TTC21B: variants seen among roughly 807,000 people sequenced by gnomAD.
TTC21B encodes tetratricopeptide repeat protein 21B.
In TTC21B, 127 loss-of-function variants were observed where a neutral mutation model predicts 175.1. That is an observed-to-expected ratio of 0.73 (90% confidence interval 0.63 to 0.84). The LOEUF (loss-of-function observed/expected upper bound fraction) is 0.84. Among genes scored for constraint, TTC21B ranks in the 40% least tolerant of loss-of-function variants. TTC21B has a pLI of 0.00. For missense variants in TTC21B, 1,561 were observed against 1,558.3 expected (o/e 1.00, Z -0.03); for synonymous variants, 524 against 524.5 (o/e 1.00, Z 0.01).
rs763124462 is a variant in TTC21B, at chr2:165,880,778, A to G, written c.3706T>C (p.Tyr1236His). 3 of 1,612,772 alleles carry G rather than the reference A, an allele frequency of 1.9e-6. No homozygotes were observed. Among genetic ancestry groups the G allele is most frequent in the East Asian group, 4.5e-5 (2 of 44,762 alleles). ...HNRSCCKAYE[Y>H]MGYIMEKEQA... ...TCTTTTTCCATAATGTATCCCATAT[A>G]TTCATAAGCTTTGCAGCAAGACTGA... Residue 1236 changes from tyrosine to histidine, a missense_variant, in exon 27 of 29, where the codon TAT becomes CAT. Physicochemically the swap from Tyr to His is moderately conservative, Grantham distance 83. Transcript: ENST00000243344.
chr2:165,882,976 C>CT (rs915619794), intron 26 of TTC21B, among the ~76,000 whole-genome samples: 9 of 152,006 alleles, frequency 5.9e-5, no homozygotes, highest in Admixed American at 5.9e-4. Context: ...TTGACAAATG[C>CT]TTGGATCTTT....
intron 1 of TTC21B, among the ~76,000 whole-genome samples, chr2:165,951,685 A>T (rs1350082992): frequency 1.3e-5 from 2 of 152,198 alleles, no homozygotes; most frequent in African/African-American, 2.4e-5. Flanking sequence ...CTGACTGCCT[A>T]CTAGTACCCA....
chr2:165,900,346 T>C (rs1396358605), intron 20 of TTC21B, among the ~76,000 whole-genome samples: 2 of 152,220 alleles, frequency 1.3e-5, no homozygotes, highest in Admixed American at 1.3e-4. Flanking sequence ...TTGCTAAAGG[T>C]TGTTTTTGCC....
chr2:165,946,345 A>T (rs943860168), intron 3 of TTC21B, among the ~76,000 whole-genome samples: 1 of 149,308 alleles, frequency 6.7e-6, no homozygotes, highest in East Asian at 1.9e-4. Context: ...ACTCAAAAAT[A>T]AAAAAAAAAG....
rs113360650 is a variant in TTC21B, at chr2:165,902,390, A to G, written c.2569-480T>C. ...ATGTTTTAGCTACACATAATGATTC[A>G]CTAGTGAATGCATTCATTTAACAAA... On this transcript the variant is annotated intron_variant, in intron 19 of 28. Coordinates refer to ENST00000243344, the MANE Select transcript of TTC21B (RefSeq NM_024753.5). Among the ~76,000 whole-genome samples, 132 of 152,338 alleles carry G rather than the reference A, an allele frequency of 8.7e-4. 1 individual carries two copies. The highest frequency in any genetic ancestry group is 3.0e-3 in the African/African-American group (123 of 41,572).
chr2:165,947,807 T>G (rs982186735), intron 3 of TTC21B: 1 of 152,218 alleles, frequency 6.6e-6, no homozygotes, highest in Admixed American at 6.5e-5. Context: ...AGAGCTCAAG[T>G]CCATTCAGCA....
At chr2:165,892,440 C>T (rs139609730) in intron 22 of TTC21B, among the ~76,000 whole-genome samples, 114 of 152,118 alleles carry the variant, frequency 7.5e-4, no homozygotes, top group African/African-American at 2.1e-3. Flanking sequence ...TCACAATACA[C>T]AGAAAAAGTG....
chr2:165,953,551 G>T, intron 1 of TTC21B, 134 bp downstream of exon 1: 2 of 1,451,568 alleles, frequency 1.4e-6, no homozygotes, highest in South Asian at 2.4e-5. Context: ...CCCGCAACCC[G>T]AGCAGCCGGG....
chr2:165,949,850 G>C (rs1052435609), intron 1 of TTC21B, 126 bp from the exon 2 acceptor site: 1 of 926,614 alleles, frequency 1.1e-6, no homozygotes, highest in Non-Finnish European at 1.6e-6. Context: ...TTTCTTCCAA[G>C]TTTCTTAAAA....
chr2:165,905,324 A>G (rs1032948390), intron 19 of TTC21B, among the ~76,000 whole-genome samples: 3 of 152,158 alleles, frequency 2.0e-5, no homozygotes, highest in African/African-American at 7.2e-5. Context: ...TGGCAAATCC[A>G]AATGCAAATA....
intron 19 of TTC21B, among the ~76,000 whole-genome samples, chr2:165,902,796 T>C (rs533698459): frequency 6.6e-6 from 1 of 152,332 alleles, no homozygotes. Flanking sequence ...ACAATTGGTT[T>C]AGATAGAATG....
intron 15 of TTC21B, 36 bp from the exon 16 acceptor site, chr2:165,913,682 C>A: frequency 6.7e-7 from 1 of 1,494,352 alleles, no homozygotes; most frequent in Admixed American, 1.7e-5. Flanking sequence ...GCATATTGAA[C>A]ACAGATATCT....
intron 6 of TTC21B, among the ~76,000 whole-genome samples, chr2:165,936,852 A>G (rs934360907): frequency 5.9e-5 from 9 of 152,232 alleles, no homozygotes; most frequent in African/African-American, 7.2e-5. Context: ...TGCTGGTGGG[A>G]ACATAACATG....
chr2:165,953,651 GCCCGCTCA>G lies in TTC21B; in HGVS notation c.21+26_21+33del, dbSNP rs59477041. On this transcript the variant is annotated intron_variant, in intron 1 of 28. Transcript: ENST00000243344. ...GGCCGCAAAGGAACTCCGCCCGCCC[GCCCGCTCA>G]CCCGCTCACCCGCTCACCCGCTCAC... 1.4e-3 allele frequency: 2,145 copies of G among 1,512,134 alleles called. 8 individuals are homozygous for G. Among genetic ancestry groups the G allele is most frequent in the Middle Eastern group, 3.6e-3 (16 of 4,488 alleles). The allele number at this position is 1,512,134 out of a possible 1,614,324, so 93.7% of individuals were successfully genotyped here.
At chr2:165,888,121 A>G (rs560326730) in intron 25 of TTC21B, among the ~76,000 whole-genome samples, 158 bp downstream of exon 25, 25 of 152,360 alleles carry the variant, frequency 1.6e-4, no homozygotes, top group Non-Finnish European at 3.5e-4. Context: ...CTCTTCCGCC[A>G]AGAAGGGGAC....
rs112649607 is a variant in TTC21B at position 165,936,899 on chromosome 2, A to G, written c.711-3842T>C. ...TTGGAAGACAGTTTGGCAGTTTCTT[A>G]GAAAACTAAATATACTCCTACCATA... is the stretch of plus-strand genomic sequence containing the variant. On this transcript the variant is annotated intron_variant, in intron 6 of 28. Transcript: ENST00000243344. 9.6e-3 allele frequency among the ~76,000 whole-genome samples: 1,468 copies of G among 152,160 alleles called. 23 individuals carry two copies. The highest frequency in any genetic ancestry group is 0.034 in the African/African-American group (1,393 of 41,552).
rs939423391 is a variant in TTC21B at position 165,919,413 on chromosome 2, T to C, written c.1537A>G (p.Asn513Asp). The C allele has an allele frequency of 6.2e-7, 1 of 1,614,084 alleles. No individual in the cohort carries two copies. Among genetic ancestry groups the C allele is most frequent in the Non-Finnish European group, 8.5e-7 (1 of 1,179,972 alleles). ...YLSGDIEAAF[N>D]NLQHCLEHNP... ...TGTTCTAAGCAGTGCTGAAGGTTAT[T>C]GAAAGCTGCTTCAATATCACCTAAT... The change falls in exon 13 of 29, where the codon AAT becomes GAT. Residue 513 changes from asparagine to aspartate, a missense_variant. Transcript: ENST00000243344.
At chr2:165,940,093 CA>C (rs1188311698) in intron 6 of TTC21B, among the ~76,000 whole-genome samples, 1 of 152,100 alleles carries the variant, frequency 6.6e-6, no homozygotes, top group Non-Finnish European at 1.5e-5. Context: ...TAGTTCAGGC[CA>C]AAAACCTTGG....
intron 22 of TTC21B, among the ~76,000 whole-genome samples, chr2:165,894,963 TG>T (rs1685315451): frequency 6.6e-6 from 1 of 152,168 alleles, no homozygotes; most frequent in Non-Finnish European, 1.5e-5. Flanking sequence ...TCTGTTAGCA[TG>T]GGAAGTCCTG....
Sources: gnomAD v4.1 joint callset for allele counts (sites outside exome capture counted in the v4.1 genomes callset) on GRCh38, gnomAD v4.1.1 for gene constraint, MANE v1.5 for transcripts, NCBI Gene and HGNC (gene_info 2026-07-23, HGNC 2026-07-21) for gene names.